The following PCDH15 variants were observed in gnomAD, a reference collection of about 807,000 sequenced individuals.
The protein encoded by PCDH15 is protocadherin-15.
A neutral mutation model predicts 178.5 loss-of-function variants in PCDH15; 129 were observed. That is an observed-to-expected ratio of 0.72 (90% CI 0.63 to 0.84). The LOEUF is 0.84. Ranked by LOEUF, PCDH15 falls within the 40% of genes least tolerant of loss-of-function variation. PCDH15 has a pLI of 0.00. For synonymous variants in PCDH15, 800 were observed against 732.0 expected (o/e 1.09, Z -1.50); for missense variants, 2,230 against 2,099.9 (o/e 1.06, Z -1.21).
chr10:54,237,225 G>A (rs929815302), intron 8 of PCDH15, among the ~76,000 whole-genome samples: 1 of 152,016 alleles, frequency 6.6e-6, no homozygotes, highest in Non-Finnish European at 1.5e-5. Context: ...CTTCTCTAGA[G>A]GATTTCACAA....
At chr10:54,878,700 T>C (rs768008336) in intron 3 of PCDH15, among the ~76,000 whole-genome samples, 1 of 152,176 alleles carries the variant, frequency 6.6e-6, no homozygotes, top group Non-Finnish European at 1.5e-5. Context: ...GGGACACATG[T>C]GCAGGATGTG....
At chr10:55,361,016 C>A (rs1205153152) in intron 2 of PCDH15, among the ~76,000 whole-genome samples, 5 of 151,916 alleles carry the variant, frequency 3.3e-5, no homozygotes, top group Non-Finnish European at 7.4e-5. Context: ...GAACGAACTG[C>A]ATTTTCTGAA....
chr10:53,983,227 T>C (rs911918696), intron 21 of PCDH15, among the ~76,000 whole-genome samples: 2 of 151,762 alleles, frequency 1.3e-5, no homozygotes, highest in Admixed American at 1.3e-4. Context: ...TGGGTGTGTG[T>C]GTGTTTGTGT....
intron 2 of PCDH15, among the ~76,000 whole-genome samples, chr10:55,478,741 T>G (rs1840111924): frequency 6.6e-6 from 1 of 150,950 alleles, no homozygotes; most frequent in South Asian, 2.1e-4. Context: ...TGACAAATCT[T>G]TAACAACATT....
intron 2 of PCDH15, among the ~76,000 whole-genome samples, chr10:55,044,805 T>C (rs1047633345): frequency 6.6e-6 from 1 of 152,038 alleles, no homozygotes; most frequent in Admixed American, 6.6e-5. Flanking sequence ...TTGCCATGTG[T>C]TAGGTGTTAT....
chr10:54,553,126 G>C (rs1013061389), intron 2 of PCDH15, among the ~76,000 whole-genome samples: 1 of 152,124 alleles, frequency 6.6e-6, no homozygotes, highest in Non-Finnish European at 1.5e-5. Flanking sequence ...CTAAGATTCT[G>C]TCAGGGTGGT....
intron 2 of PCDH15, among the ~76,000 whole-genome samples, chr10:54,925,684 T>A (rs1164659221): frequency 3.3e-5 from 5 of 152,152 alleles, no homozygotes; most frequent in Admixed American, 2.0e-4. Context: ...TATTCCTAGA[T>A]ATTTCATTCT....
intron 26 of PCDH15, among the ~76,000 whole-genome samples, chr10:53,876,634 AAAG>A (rs1306545454): frequency 3.3e-5 from 5 of 152,112 alleles, no homozygotes; most frequent in Non-Finnish European, 7.4e-5. Context: ...CAAAAAAAAA[AAAG>A]AAGAAACAAG....
chr10:54,499,521 C>T (rs2080446373), intron 3 of PCDH15, among the ~76,000 whole-genome samples: 1 of 152,118 alleles, frequency 6.6e-6, no homozygotes, highest in Non-Finnish European at 1.5e-5. Flanking sequence ...AAGAACATCT[C>T]TTAAAACCAT....
chr10:55,515,635 C>T (rs984192135), intron 2 of PCDH15, among the ~76,000 whole-genome samples: 1 of 151,378 alleles, frequency 6.6e-6, no homozygotes, highest in African/African-American at 2.4e-5. Context: ...ATGTATAGCC[C>T]ACATAAAGAA....
intron 2 of PCDH15, among the ~76,000 whole-genome samples, chr10:55,372,127 T>G (rs1845521043): frequency 6.6e-6 from 1 of 152,144 alleles, no homozygotes; most frequent in African/African-American, 2.4e-5. Flanking sequence ...ATCCCATCCA[T>G]GCTCCCATTT....
At chr10:54,139,520 T>C (rs1259732268) in intron 14 of PCDH15, among the ~76,000 whole-genome samples, 3 of 152,124 alleles carry the variant, frequency 2.0e-5, no homozygotes, top group East Asian at 3.9e-4. Context: ...GAAAAAGTTA[T>C]GGGGAAACAT....
At chr10:54,240,327 G>GA (rs200204924) in intron 8 of PCDH15, among the ~76,000 whole-genome samples, 155 of 143,832 alleles carry the variant, frequency 1.1e-3, no homozygotes, top group Non-Finnish European at 1.5e-3. Context: ...AATGAAAAAG[G>GA]AAAAAAAAAA....
intron 13 of PCDH15, among the ~76,000 whole-genome samples, chr10:54,153,943 C>T (rs1316286527): frequency 1.3e-5 from 2 of 152,106 alleles, no homozygotes; most frequent in African/African-American, 2.4e-5. Flanking sequence ...GGTAACATAG[C>T]CCAAGAAATG....
chr10:54,087,367 T>A (rs2094531271), intron 16 of PCDH15, among the ~76,000 whole-genome samples: 1 of 152,206 alleles, frequency 6.6e-6, no homozygotes, highest in Admixed American at 6.5e-5. Flanking sequence ...ATGTGCCTAT[T>A]ATGAAAATTT....
intron 3 of PCDH15, among the ~76,000 whole-genome samples, chr10:54,813,887 C>T (rs1375408176): frequency 6.6e-6 from 1 of 152,092 alleles, no homozygotes; most frequent in Non-Finnish European, 1.5e-5. Flanking sequence ...TACTTCTTTT[C>T]AAAATTTATT....
At chr10:55,142,799 C>T (rs1293925123) in intron 2 of PCDH15, among the ~76,000 whole-genome samples, 1 of 151,620 alleles carries the variant, frequency 6.6e-6, no homozygotes, top group East Asian at 2.0e-4. Flanking sequence ...TTTTGGGTAG[C>T]TGTCATGCAA....
intron 35 of PCDH15, among the ~76,000 whole-genome samples, chr10:53,813,372 T>C (rs1349903389): frequency 1.3e-5 from 2 of 152,182 alleles, no homozygotes; most frequent in Non-Finnish European, 2.9e-5. Context: ...TTTGTGAACC[T>C]ACTCTAAAGG....
At chr10:54,360,722 C>A (rs1325058035) in intron 5 of PCDH15, among the ~76,000 whole-genome samples, 1 of 152,070 alleles carries the variant, frequency 6.6e-6, no homozygotes, top group African/African-American at 2.4e-5. Context: ...TCATTCTATT[C>A]TTCATCCTAT....
Sources: allele counts gnomAD v4.1 joint callset (sites outside exome capture counted in the v4.1 genomes callset), GRCh38; gene constraint gnomAD v4.1.1; transcripts MANE v1.5; gene names NCBI Gene and HGNC (gene_info 2026-07-23, HGNC 2026-07-21).